Variants in TULP4 observed in about 807,000 individuals in gnomAD.
TULP4 encodes tubby-related protein 4.
In TULP4, 16 loss-of-function variants were observed where a neutral mutation model predicts 129.0. The ratio of observed to expected loss-of-function variants is 0.12; its 90% CI spans 0.08 to 0.19. The LOEUF is 0.19. Among genes scored for constraint, TULP4 ranks in the 10% least tolerant of loss-of-function variants. The probability of loss-of-function intolerance (pLI) is 1.00; values close to 1 mark genes in which losing one functional copy is unlikely to be tolerated. For missense variants in TULP4, 1,842 were observed against 2,059.1 expected, an observed-to-expected ratio of 0.89 and a Z score of 2.04; for synonymous variants, 998 against 854.0, an observed-to-expected ratio of 1.17 and a Z score of -2.94.
At chr6:158,484,726 C>T (rs1780026296) in intron 8 of TULP4, among the ~76,000 whole-genome samples, 1 of 152,238 alleles carries the variant, frequency 6.6e-6, no homozygotes, top group Non-Finnish European at 1.5e-5. Context: ...GGGGCAAAGC[C>T]TTCACCAGGA....
chr6:158,247,041 TACAC>T (rs1363961638), intron 1 of TULP4, among the ~76,000 whole-genome samples: 4 of 152,196 alleles, frequency 2.6e-5, no homozygotes, highest in East Asian at 1.9e-4. Context: ...TTGCAAAAGA[TACAC>T]ACTATAATGT....
chr6:158,307,877 A>T (rs530445494), upstream of TULP4, among the ~76,000 whole-genome samples: 11 of 152,158 alleles, frequency 7.2e-5, no homozygotes, highest in East Asian at 5.8e-4. Flanking sequence ...GATAAAAAAT[A>T]AAAAAAATCA....
intron 2 of TULP4, among the ~76,000 whole-genome samples, chr6:158,428,968 G>T (rs1778566174): frequency 1.3e-5 from 2 of 152,318 alleles, no homozygotes; most frequent in Admixed American, 1.3e-4. Flanking sequence ...ACTGAAGTCA[G>T]TTTCAATCAT....
At chr6:158,499,008 A>C (rs559247589) in intron 12 of TULP4, among the ~76,000 whole-genome samples, 196 bp downstream of exon 12, 2 of 152,280 alleles carry the variant, frequency 1.3e-5, no homozygotes, top group East Asian at 3.9e-4. Flanking sequence ...TGTTGGCAGG[A>C]GGGGAGCTGC....
intron 1 of TULP4, among the ~76,000 whole-genome samples, chr6:158,273,078 A>T (rs973185676): frequency 1.3e-5 from 2 of 152,214 alleles, no homozygotes; most frequent in African/African-American, 4.8e-5. Context: ...GAGTCCAAGG[A>T]CAGAGTTTTT....
chr6:158,239,643 C>A (rs1348703254), intron 1 of TULP4, among the ~76,000 whole-genome samples: 1 of 65,222 alleles, frequency 1.5e-5, no homozygotes, highest in Non-Finnish European at 3.4e-5. Flanking sequence ...GGGGGGCTGA[C>A]CCCCCCACCT....
At chr6:158,392,650 CA>C (rs1039318002) in intron 1 of TULP4, among the ~76,000 whole-genome samples, 24 of 151,946 alleles carry the variant, frequency 1.6e-4, no homozygotes, top group African/African-American at 5.8e-4. Flanking sequence ...ATGCTGACTA[CA>C]AGGGGTGGAA....
chr6:158,239,997 C>T (rs1583665411), intron 1 of TULP4, among the ~76,000 whole-genome samples: 5 of 106,416 alleles, frequency 4.7e-5, no homozygotes, highest in African/African-American at 9.2e-5. Flanking sequence ...GGGGGGCTGA[C>T]CCCCCCACCT....
chr6:158,471,307 CA>C (rs1779676984), intron 6 of TULP4, among the ~76,000 whole-genome samples: 1 of 152,194 alleles, frequency 6.6e-6, no homozygotes, highest in African/African-American at 2.4e-5. Context: ...AAGTGAGAGT[CA>C]GTGATGTCCA....
In TULP4 at chr6:158,250,781, G is replaced by A. The variant is rs532523294; in HGVS notation, n.68+18478G>A. ...CTCCCCCACATGACTGAGAAAAATGGCATGTGATTTTACTAATAGGGAATT... is the reference window on the plus strand; with the variant it reads ...CTCCCCCACATGACTGAGAAAAATGACATGTGATTTTACTAATAGGGAATT... On this transcript the variant is annotated intron_variant and non_coding_transcript_variant, in intron 1 of 1. Transcript: ENST00000620026. Among the ~76,000 whole-genome samples, 22 of 152,270 alleles carry A rather than the reference G, an allele frequency of 1.4e-4. No homozygotes were observed. In the South Asian group the frequency reaches 3.9e-3, roughly 27 times the overall value.
rs758786656 is a variant in TULP4, at chr6:158,501,889, C to A, written c.2226C>A (p.Thr742=). ...GTAEHAGDSA[T]QYPVSNRYSN... ...CAGAACATGCAGGTGACAGTGCCAC[C>A]CAGTACCCAGTCTCCAACCGGTACT... is the stretch of plus-strand genomic sequence containing the variant. The change falls in exon 13 of 14, where the codon ACC becomes ACA. Residue 742 remains threonine (T), a synonymous_variant. Coordinates refer to ENST00000367097, the MANE Select transcript of TULP4 (RefSeq NM_020245.5). The A allele has an allele frequency of 1.2e-6, 2 of 1,614,126 alleles. No homozygotes were observed. Among genetic ancestry groups the A allele is most frequent in the Admixed American group, 3.3e-5 (2 of 60,028 alleles).
At chr6:158,372,374 AT>A (rs571866361) in intron 1 of TULP4, among the ~76,000 whole-genome samples, 77 of 149,548 alleles carry the variant, frequency 5.1e-4, no homozygotes, top group African/African-American at 1.6e-3. Flanking sequence ...ATGGAAATGG[AT>A]TTTTTTTTTA....
rs746436435 is a variant in TULP4 at position 158,413,058 on chromosome 6, T to C, written c.253-7T>C. 6.2e-7 allele frequency: 1 copy of C among 1,606,106 alleles called. No individual in the cohort carries two copies. Among genetic ancestry groups the C allele is most frequent in the Non-Finnish European group, 8.5e-7 (1 of 1,175,502 alleles). ...CTGTGGTAAATGTCTTCTTGGTGGT[T>C]TTCTAGGTTGTGCTGGTGAGGTGGA... On this transcript the variant is annotated splice_region_variant and splice_polypyrimidine_tract_variant and intron_variant, in intron 1 of 13. Coordinates refer to ENST00000367097, the MANE Select transcript of TULP4 (RefSeq NM_020245.5). The surrounding 1 kb of genome is among the most constrained non-coding windows in gnomAD (Gnocchi z 4.9).
chr6:158,504,219 G>A lies in TULP4; in HGVS notation c.4515+41G>A, dbSNP rs117057282. 9.3e-3 allele frequency: 13,570 copies of A among 1,457,482 alleles called. 75 individuals are homozygous for A. Among genetic ancestry groups the A allele is most frequent in the Middle Eastern group, 0.012 (60 of 4,828 alleles). 90.3% of individuals were successfully genotyped at this position (1,457,482 alleles called of 1,614,324 possible). The stretch of plus-strand genomic sequence containing the variant: ...AGGTGGCGCTGCGAGCCCAGGAGGC[G>A]AGGGTTTCAGTGCTTCGGCCTTCAA... On this transcript the variant is annotated intron_variant, in intron 13 of 13. Transcript: ENST00000367097.
chr6:158,369,028 A>G (rs942056484), intron 1 of TULP4, among the ~76,000 whole-genome samples: 1 of 152,246 alleles, frequency 6.6e-6, no homozygotes, highest in Non-Finnish European at 1.5e-5. Flanking sequence ...CCAAATTTCA[A>G]GAAGTGTCTC....
intron 8 of TULP4, among the ~76,000 whole-genome samples, chr6:158,482,632 T>C (rs1163869999): frequency 6.6e-6 from 1 of 152,052 alleles, no homozygotes; most frequent in Non-Finnish European, 1.5e-5. Context: ...GGGCCACCAA[T>C]GGTTAGAGAT....
rs148070267 is a variant in TULP4 at position 158,480,981 on chromosome 6, C to T, written c.1252-74C>T. On this transcript the variant is annotated intron_variant, in intron 7 of 13. Coordinates refer to ENST00000367097, the MANE Select transcript of TULP4 (RefSeq NM_020245.5). ...GTAGCGTTTTTAGTTGACCTGCCCC[C>T]GTGCCCACTCTCTTTCCCTCTCTCT... 2,172 of 1,383,364 alleles carry T rather than the reference C, an allele frequency of 1.6e-3. 6 individuals are homozygous for T. The highest frequency in any genetic ancestry group is 1.0e-2 in the African/African-American group (692 of 69,408). 85.7% of individuals were successfully genotyped at this position (1,383,364 alleles called of 1,614,324 possible). A position where few individuals can be genotyped will look rare whatever the true frequency, so the allele number is the denominator to read the frequency against.
intron 1 of TULP4, among the ~76,000 whole-genome samples, chr6:158,292,523 G>A (rs2128471229): frequency 6.6e-6 from 1 of 152,272 alleles, no homozygotes; most frequent in East Asian, 1.9e-4. Context: ...CTAGTAGTGT[G>A]CAGAGGCCCT....
At chr6:158,459,982 A>G (rs1285287471) in intron 5 of TULP4, among the ~76,000 whole-genome samples, 3 of 152,122 alleles carry the variant, frequency 2.0e-5, no homozygotes, top group Non-Finnish European at 4.4e-5. Context: ...AAAGAATCTG[A>G]TTCACCAGGA....
Sources: gnomAD v4.1 joint callset for allele counts (sites outside exome capture counted in the v4.1 genomes callset) on GRCh38, gnomAD v4.1.1 for gene constraint, Gnocchi (gnomAD v3.1) non-coding constraint, MANE v1.5 for transcripts, NCBI Gene and HGNC (gene_info 2026-07-23, HGNC 2026-07-21) for gene names.